MED23: variants seen among roughly 807,000 people sequenced by gnomAD.
MED23 encodes the protein mediator of RNA polymerase II transcription subunit 23.
A neutral mutation model predicts 163.9 loss-of-function variants in MED23; 105 were observed. The observed-to-expected ratio is 0.64, with a 90% CI of 0.55 to 0.75. MED23 has a LOEUF of 0.75. Among genes scored for constraint, MED23 ranks in the 30% least tolerant of loss-of-function variants. The pLI, the probability that MED23 is intolerant of heterozygous loss-of-function variation, is 0.00. For synonymous variants in MED23, 561 were observed against 565.6 expected, an observed-to-expected ratio of 0.99 and a Z score of 0.12; for missense variants, 1,054 against 1,649.0, an observed-to-expected ratio of 0.64 and a Z score of 6.25.
intron 10 of MED23, 110 bp from the exon 11 acceptor site, chr6:131,610,356 G>A: frequency 3.8e-6 from 4 of 1,054,796 alleles, no homozygotes; most frequent in Non-Finnish European, 5.7e-6. Context: ...ACGGAATGAA[G>A]TTGAACTTAA....
intron 22 of MED23, among the ~76,000 whole-genome samples, chr6:131,595,372 C>G (rs1359548138): frequency 6.6e-6 from 1 of 152,204 alleles, no homozygotes; most frequent in Admixed American, 6.5e-5. Flanking sequence ...CATCCTAAGA[C>G]TGCTGCCAAC....
At chr6:131,618,755 T>TA (rs1776873593) in intron 8 of MED23, among the ~76,000 whole-genome samples, 2 of 152,204 alleles carry the variant, frequency 1.3e-5, no homozygotes, top group South Asian at 4.1e-4. Flanking sequence ...TCTAAATGTC[T>TA]AGGGCAGAGA....
chr6:131,590,676 T>A (rs1774541348), intron 26 of MED23, among the ~76,000 whole-genome samples: 1 of 152,226 alleles, frequency 6.6e-6, no homozygotes, highest in South Asian at 2.1e-4. Context: ...TTGCCTGGGC[T>A]GGAGTGCAGT....
downstream of MED23, chr6:131,583,029 A>C (rs41285338): frequency 6.2e-3 from 9,211 of 1,486,186 alleles, 36 homozygotes; most frequent in Middle Eastern, 9.5e-3. Flanking sequence ...CAGCCTTATT[A>C]ATTATAATTA....
At chr6:131,620,851 G>C in intron 6 of MED23, 122 bp from the exon 7 acceptor site, 1 of 573,512 alleles carries the variant, frequency 1.7e-6, no homozygotes, top group Non-Finnish European at 3.0e-6. Context: ...GCCCAGGCTT[G>C]GAGTGCAGTG....
At chr6:131,599,720 T>C (rs144956881) in intron 18 of MED23, among the ~76,000 whole-genome samples, 11 of 152,096 alleles carry the variant, frequency 7.2e-5, no homozygotes, top group South Asian at 4.1e-4. Flanking sequence ...ACAGAACAAC[T>C]TGAGAGATTT....
downstream of MED23, among the ~76,000 whole-genome samples, chr6:131,584,826 C>T (rs547630843): frequency 2.6e-4 from 37 of 144,688 alleles, no homozygotes; most frequent in Non-Finnish European, 4.0e-4. Context: ...TACACACACA[C>T]ACACACACAC....
At chr6:131,597,488 A>G (rs1445232554) in intron 20 of MED23, among the ~76,000 whole-genome samples, 2 of 150,958 alleles carry the variant, frequency 1.3e-5, no homozygotes, top group Non-Finnish European at 3.0e-5. Flanking sequence ...AAAAAAAAAA[A>G]AAAAAAAAAG....
chr6:131,605,184 A>T (rs1585512348), intron 14 of MED23, 56 bp downstream of exon 14: 1 of 1,572,498 alleles, frequency 6.4e-7, no homozygotes, highest in South Asian at 1.1e-5. Flanking sequence ...ATAAAGGTTT[A>T]TACTATACTC....
chr6:131,596,238 C>T (rs1775037070), intron 21 of MED23, 75 bp from the exon 22 acceptor site: 2 of 1,333,276 alleles, frequency 1.5e-6, no homozygotes, highest in Admixed American at 1.8e-5. Context: ...AATGTGAAAA[C>T]ATTGTTTAGA....
intron 9 of MED23, among the ~76,000 whole-genome samples, chr6:131,617,292 G>A (rs889471411): frequency 6.7e-6 from 1 of 150,154 alleles, no homozygotes; most frequent in Admixed American, 6.6e-5. Context: ...TCAACCTCAA[G>A]TACTATTTGC....
At chr6:131,613,655 T>C (rs923831089) in intron 10 of MED23, among the ~76,000 whole-genome samples, 1 of 152,174 alleles carries the variant, frequency 6.6e-6, no homozygotes, top group South Asian at 2.1e-4. Flanking sequence ...ACTAAAAGTT[T>C]TCTATGAAAA....
chr6:131,609,466 T>G (rs1776099939), intron 11 of MED23, among the ~76,000 whole-genome samples: 1 of 151,542 alleles, frequency 6.6e-6, no homozygotes, highest in South Asian at 2.1e-4. Context: ...AAAGATCTCT[T>G]TGATACAGCC....
At chr6:131,594,003 G>A (rs763000228) in intron 23 of MED23, 96 bp downstream of exon 23, 10 of 1,061,890 alleles carry the variant, frequency 9.4e-6, no homozygotes, top group Non-Finnish European at 1.4e-5. Flanking sequence ...TTAAAACCTT[G>A]AAATACATAA....
chr6:131,609,121 CCTTGCTTCTGG>C (rs992891797), intron 11 of MED23, among the ~76,000 whole-genome samples: 1 of 152,198 alleles, frequency 6.6e-6, no homozygotes, highest in Non-Finnish European at 1.5e-5. Flanking sequence ...TCACTAATTT[CCTTGCTTCTGG>C]CTTTGTACCT....
chr6:131,625,539 C>T (rs1277996509), intron 3 of MED23, among the ~76,000 whole-genome samples: 2 of 152,134 alleles, frequency 1.3e-5, no homozygotes, highest in Non-Finnish European at 2.9e-5. Context: ...GGATTATCTC[C>T]AAAAAGAGCC....
chr6:131,574,238 T>C lies in MED23; in HGVS notation c.*55A>G, dbSNP rs1773504592. ...GATTTTCTCCAGGTTTCTCAGGATC[T>C]GGGCAGCGTTTTGCTTCCTCTTAAT... On this transcript the variant is annotated 3_prime_UTR_variant, in exon 31 of 31. Coordinates refer to the MED23 transcript ENST00000354577. The C allele has an allele frequency of 9.3e-6, 15 of 1,608,878 alleles. No individual in the cohort carries two copies. The South Asian group carries it at 1.6e-4, about 18-fold the overall frequency.
chr6:131,586,584 C>A, downstream of MED23: 1 of 253,566 alleles, frequency 3.9e-6, no homozygotes, highest in Non-Finnish European at 6.9e-6. Flanking sequence ...GTTAAATTCA[C>A]TAGTTCTTTT....
chr6:131,594,826 AAACAAACAAAC>A (rs1462090480), intron 22 of MED23, among the ~76,000 whole-genome samples: 18 of 152,036 alleles, frequency 1.2e-4, no homozygotes, highest in Non-Finnish European at 2.2e-4. Context: ...ACAAACAAAC[AAACAAACAAAC>A]AAAACCAGCC....
Sources: gnomAD v4.1 joint callset for allele counts (sites outside exome capture counted in the v4.1 genomes callset) on GRCh38, gnomAD v4.1.1 for gene constraint, MANE v1.5 for transcripts, NCBI Gene and HGNC (gene_info 2026-07-23, HGNC 2026-07-21) for gene names.